Variants in KALRN observed in about 807,000 individuals in gnomAD.
KALRN encodes kalirin.
A neutral mutation model predicts 353.7 loss-of-function variants in KALRN; 70 were observed. That is an observed-to-expected ratio of 0.20 (90% CI 0.16 to 0.24). The LOEUF (loss-of-function observed/expected upper bound fraction) is 0.24. Ranked by LOEUF, KALRN falls within the 10% of genes least tolerant of loss-of-function variation. The probability of loss-of-function intolerance (pLI) is 1.00; values close to 1 mark genes in which losing one functional copy is unlikely to be tolerated. For synonymous variants in KALRN, 1,391 were observed against 1,434.8 expected (o/e 0.97, Z 0.69); for missense variants, 2,791 against 3,756.7 (o/e 0.74, Z 6.72).
At chr3:124,430,940 C>G (rs974183445) in intron 16 of KALRN, among the ~76,000 whole-genome samples, 165 bp downstream of exon 16, 3 of 152,200 alleles carry the variant, frequency 2.0e-5, no homozygotes, top group Admixed American at 1.3e-4. Flanking sequence ...GATAGGGAAG[C>G]AAATGCAAGG....
At chr3:124,531,778 C>T (rs62265345) in intron 33 of KALRN, among the ~76,000 whole-genome samples, 46,730 of 152,074 alleles carry the variant, frequency 0.31, 7,302 homozygotes, top group South Asian at 0.35. Context: ...CCACCAGGAC[C>T]TGCCTCCAAC....
At chr3:124,324,666 A>C (rs1189805142) in intron 6 of KALRN, among the ~76,000 whole-genome samples, 2 of 152,230 alleles carry the variant, frequency 1.3e-5, no homozygotes, top group Admixed American at 1.3e-4. Context: ...ACTTCCACAG[A>C]GACATTTTAA....
intron 34 of KALRN, among the ~76,000 whole-genome samples, chr3:124,574,399 C>T (rs2073872913): frequency 6.6e-6 from 1 of 152,234 alleles, no homozygotes; most frequent in Non-Finnish European, 1.5e-5. Context: ...CCAATTTCAA[C>T]AGCATGTTTT....
intron 9 of KALRN, among the ~76,000 whole-genome samples, chr3:124,336,057 C>T (rs1229058739): frequency 6.6e-6 from 1 of 152,114 alleles, no homozygotes; most frequent in Non-Finnish European, 1.5e-5. Context: ...GTGACACTCT[C>T]TGAATAGGGG....
rs757204313 is a variant in KALRN, at chr3:124,455,160, G to A, written c.3553-17G>A. 1.9e-6 allele frequency: 3 copies of A among 1,613,756 alleles called. No homozygotes were observed. In the Admixed American group the frequency reaches 5.0e-5, roughly 27 times the overall value. Reference sequence around the variant, plus strand: ...AATAAATGTAATCCAGTAACTTAAGGCCATCTTTTGGGGCAGCAAACAAAG... The same window carrying A: ...AATAAATGTAATCCAGTAACTTAAGACCATCTTTTGGGGCAGCAAACAAAG... On this transcript the variant is annotated splice_polypyrimidine_tract_variant and intron_variant, in intron 21 of 59. Transcript: ENST00000682506.
chr3:124,133,419 G>A (rs913136389), intron 1 of KALRN, among the ~76,000 whole-genome samples: 4 of 152,222 alleles, frequency 2.6e-5, no homozygotes, highest in African/African-American at 9.6e-5. Context: ...CGACAGTCGA[G>A]GCTGTTTTCA....
At chr3:124,313,314 G>A (rs920527392) in intron 6 of KALRN, among the ~76,000 whole-genome samples, 4 of 152,118 alleles carry the variant, frequency 2.6e-5, no homozygotes, top group Non-Finnish European at 4.4e-5. Context: ...TCCAGTGGTC[G>A]CTGTTAACAC....
Position 124,283,278 on chromosome 3 carries a change from G to A in KALRN, c.969+14023G>A, listed in dbSNP as rs1394176062. Among the ~76,000 whole-genome samples, 4 of 152,228 alleles carry A rather than the reference G, an allele frequency of 2.6e-5. No homozygotes were observed. In the East Asian group the frequency reaches 7.7e-4, roughly 29 times the overall value. ...ACCATTAGCTCATCTAAATTAACTT[G>A]CCAAGGGCCAGATCTCAGTTTATGT... On this transcript the variant is annotated intron_variant, in intron 5 of 59. Transcript: ENST00000682506.
At chr3:124,272,240 C>G (rs1244948981) in intron 5 of KALRN, among the ~76,000 whole-genome samples, 1 of 152,116 alleles carries the variant, frequency 6.6e-6, no homozygotes, top group Non-Finnish European at 1.5e-5. Flanking sequence ...CTAATAAGAT[C>G]TACTTGAAGT....
chr3:124,231,207 C>T (rs998441602), intron 2 of KALRN, among the ~76,000 whole-genome samples: 16 of 152,210 alleles, frequency 1.1e-4, no homozygotes, highest in African/African-American at 3.9e-4. Flanking sequence ...TGGGGCTGTC[C>T]CTCAGTGAGC....
rs181266777 is a variant in KALRN, at chr3:124,336,995, C to T, written c.1647+2500C>T. ...CACATTCCAGAATTGTGCAAAAAAT[C>T]AATTGCATTGATTTTGTATCTTGAG... is the stretch of plus-strand genomic sequence containing the variant. On this transcript the variant is annotated intron_variant, in intron 9 of 59. Transcript: ENST00000682506. Among the ~76,000 whole-genome samples, 262 of 152,084 alleles carry T rather than the reference C, an allele frequency of 1.7e-3. 1 individual carries two copies. Among genetic ancestry groups the T allele is most frequent in the African/African-American group, 6.0e-3 (248 of 41,514 alleles).
chr3:124,111,581 C>T (rs943515280), intron 1 of KALRN, among the ~76,000 whole-genome samples: 8 of 152,162 alleles, frequency 5.3e-5, no homozygotes, highest in Admixed American at 5.2e-4. Flanking sequence ...CTATCACAGT[C>T]TGTGCTCAGG....
intron 25 of KALRN, among the ~76,000 whole-genome samples, chr3:124,470,567 A>G (rs1036945961): frequency 7.2e-5 from 11 of 152,214 alleles, no homozygotes; most frequent in African/African-American, 1.9e-4. Flanking sequence ...TTCTCCCCCT[A>G]AATTAAATCC....
At chr3:124,484,570 T>G (rs2108289356) in intron 28 of KALRN, among the ~76,000 whole-genome samples, 1 of 152,344 alleles carries the variant, frequency 6.6e-6, no homozygotes, top group Middle Eastern at 3.4e-3. Context: ...TGAAATTTCT[T>G]ATATGAAGAC....
intron 10 of KALRN, among the ~76,000 whole-genome samples, chr3:124,352,316 G>T (rs2082915130): frequency 6.6e-6 from 1 of 152,194 alleles, no homozygotes; most frequent in Non-Finnish European, 1.5e-5. Flanking sequence ...ATTGTCCTGA[G>T]ATATTTGCTA....
At chr3:124,382,467 G>A (rs564282094) in intron 10 of KALRN, among the ~76,000 whole-genome samples, 2 of 152,062 alleles carry the variant, frequency 1.3e-5, no homozygotes, top group Non-Finnish European at 2.9e-5. Context: ...ATGTATTATA[G>A]CAATCAGCCA....
chr3:124,646,125 A>G lies in KALRN; in HGVS notation c.5665-4683A>G, dbSNP rs2082686112. Among the ~76,000 whole-genome samples the G allele has an allele frequency of 2.6e-5, 4 of 152,140 alleles. No homozygotes were observed. In the South Asian group the frequency reaches 6.2e-4, roughly 24 times the overall value. On this transcript the variant is annotated intron_variant, in intron 37 of 59. Coordinates refer to ENST00000682506, the MANE Select transcript of KALRN (RefSeq NM_001388419.1). ...CTAAGAGGTGATTGGTTGGTGTGGTAGGTGGCACTGGACCAGCTAGCTTAC... is the reference window on the plus strand; with the variant it reads ...CTAAGAGGTGATTGGTTGGTGTGGTGGGTGGCACTGGACCAGCTAGCTTAC...
intron 33 of KALRN, among the ~76,000 whole-genome samples, chr3:124,510,512 A>G (rs1015122107): frequency 2.7e-5 from 4 of 149,218 alleles, no homozygotes; most frequent in Non-Finnish European, 4.5e-5. Flanking sequence ...CACACAAAAA[A>G]TGCTGAGGGT....
chr3:124,347,084 T>C (rs1357682268), intron 9 of KALRN, 59 bp from the exon 10 acceptor site: 1 of 1,610,310 alleles, frequency 6.2e-7, no homozygotes, highest in Non-Finnish European at 8.5e-7. Flanking sequence ...TTGCACATGT[T>C]GTCACATGTC....
Sources: allele counts gnomAD v4.1 joint callset (sites outside exome capture counted in the v4.1 genomes callset), GRCh38; gene constraint gnomAD v4.1.1; transcripts MANE v1.5; gene names NCBI Gene and HGNC (gene_info 2026-07-23, HGNC 2026-07-21).